The following RELN variants were observed in gnomAD, a reference collection of about 807,000 sequenced individuals.
RELN encodes reelin.
Under a neutral mutation model 427.6 loss-of-function variants are expected in RELN, and 108 were observed. The observed-to-expected ratio is 0.25, with a 90% CI of 0.22 to 0.30. The LOEUF (loss-of-function observed/expected upper bound fraction) is 0.30. RELN is among the 10% of genes least tolerant of loss of function. The pLI is 1.00. For synonymous variants in RELN, 1,524 were observed against 1,513.4 expected (o/e 1.01, Z -0.16); for missense variants, 3,715 against 4,302.8 (o/e 0.86, Z 3.82).
chr7:103,976,146 T>C, intron 1 of RELN, among the ~76,000 whole-genome samples: 1 of 152,340 alleles, frequency 6.6e-6, no homozygotes, highest in East Asian at 1.9e-4. Context: ...TGTTATCTTT[T>C]TCTCAAAGAC....
rs138843912 is a variant in RELN at position 103,665,284 on chromosome 7, A to G, written c.1290-3757T>C. On this transcript the variant is annotated intron_variant, in intron 11 of 64. Coordinates refer to ENST00000428762, the MANE Select transcript of RELN (RefSeq NM_005045.4). ...TTAACTTGCCTCTCTTTTTTCCTCC[A>G]TTAGTCTATATGTCCATCTCCGTGT... Among the ~76,000 whole-genome samples, 1,126 of 151,726 alleles carry G rather than the reference A, an allele frequency of 7.4e-3. 8 individuals are homozygous for G. Among genetic ancestry groups the G allele is most frequent in the Non-Finnish European group, 0.011 (745 of 67,920 alleles).
chr7:103,683,539 T>A (rs543681945), intron 10 of RELN, among the ~76,000 whole-genome samples: 7 of 152,134 alleles, frequency 4.6e-5, no homozygotes, highest in Non-Finnish European at 7.4e-5. Context: ...GCTGAAAAAT[T>A]TCTATCACCT....
intron 2 of RELN, among the ~76,000 whole-genome samples, chr7:103,886,789 C>T (rs1794733857): frequency 6.6e-6 from 1 of 152,114 alleles, no homozygotes; most frequent in East Asian, 1.9e-4. Context: ...TAATTCTATA[C>T]TCACAATGTA....
intron 4 of RELN, among the ~76,000 whole-genome samples, chr7:103,756,663 A>T (rs1304132577): frequency 2.0e-5 from 3 of 152,192 alleles, no homozygotes; most frequent in Non-Finnish European, 4.4e-5. Flanking sequence ...CTTTATTATA[A>T]GTGGTCTGGG....
At chr7:103,545,398 A>G in intron 41 of RELN, 54 bp from the exon 42 acceptor site, 1 of 1,196,930 alleles carries the variant, frequency 8.4e-7, no homozygotes, top group South Asian at 1.2e-5. Context: ...ATATACCTTC[A>G]AAGTATGCAC....
intron 38 of RELN, among the ~76,000 whole-genome samples, chr7:103,555,062 G>C (rs1830494162): frequency 6.6e-6 from 1 of 152,134 alleles, no homozygotes; most frequent in African/African-American, 2.4e-5. Context: ...TGGAGATACT[G>C]TGGGAATATA....
At chr7:103,961,611 G>A (rs1796555410) in intron 1 of RELN, among the ~76,000 whole-genome samples, 1 of 152,174 alleles carries the variant, frequency 6.6e-6, no homozygotes, top group Non-Finnish European at 1.5e-5. Flanking sequence ...CTTTGCTTTA[G>A]AAGACAAGGA....
chr7:103,868,821 CTT>C (rs1384092659), intron 2 of RELN, among the ~76,000 whole-genome samples: 7 of 152,012 alleles, frequency 4.6e-5, no homozygotes, highest in Non-Finnish European at 1.0e-4. Flanking sequence ...TCCTCTTTAT[CTT>C]TGTAATAACC....
intron 22 of RELN, among the ~76,000 whole-genome samples, chr7:103,605,675 C>G (rs1831801963): frequency 2.6e-5 from 4 of 152,146 alleles, no homozygotes; most frequent in African/African-American, 9.7e-5. Flanking sequence ...CTGAAGGAAC[C>G]TTTCCCAAGC....
At chr7:103,613,363 G>A (rs1359664625) in intron 20 of RELN, among the ~76,000 whole-genome samples, 6 of 152,166 alleles carry the variant, frequency 3.9e-5, no homozygotes, top group Admixed American at 6.5e-5. Flanking sequence ...CAGTTACTAT[G>A]CAATGATACT....
intron 24 of RELN, among the ~76,000 whole-genome samples, chr7:103,601,893 C>T (rs1019578686): frequency 2.6e-5 from 4 of 152,158 alleles, no homozygotes; most frequent in African/African-American, 9.7e-5. Flanking sequence ...CATGCCTAAT[C>T]TGGTGCTACC....
In RELN at chr7:103,490,848, T is replaced by G. The variant is rs763165643; in HGVS notation, c.9444-19A>C. 3 of 1,613,916 alleles carry G rather than the reference T, an allele frequency of 1.9e-6. No homozygotes were observed. ...ATCCGATCTGCAGAAACCAAAAGGC[T>G]TTGTTAGACAAATTGTAAGAGAAAC... On this transcript the variant is annotated intron_variant, in intron 58 of 64. Coordinates refer to ENST00000428762, the MANE Select transcript of RELN (RefSeq NM_005045.4).
chr7:103,980,992 TCATAA>T (rs1451558210), intron 1 of RELN, among the ~76,000 whole-genome samples: 5 of 152,218 alleles, frequency 3.3e-5, no homozygotes, highest in African/African-American at 4.8e-5. Flanking sequence ...GGAACTATGA[TCATAA>T]CATATCTCAA....
intron 2 of RELN, among the ~76,000 whole-genome samples, chr7:103,846,278 A>C (rs1793675281): frequency 6.6e-6 from 1 of 152,196 alleles, no homozygotes; most frequent in African/African-American, 2.4e-5. Context: ...ATAATGCCAC[A>C]CATCTACAAC....
intron 1 of RELN, among the ~76,000 whole-genome samples, chr7:103,981,655 C>T (rs1428716094): frequency 1.3e-5 from 2 of 152,156 alleles, no homozygotes; most frequent in East Asian, 1.9e-4. Context: ...CAAGAAGTCC[C>T]GTCATTATTT....
At chr7:103,935,601 T>A (rs1795964221) in intron 1 of RELN, among the ~76,000 whole-genome samples, 2 of 152,204 alleles carry the variant, frequency 1.3e-5, no homozygotes, top group South Asian at 4.1e-4. Context: ...TGCCAAAGGA[T>A]CCCAAATCTC....
intron 24 of RELN, among the ~76,000 whole-genome samples, chr7:103,601,557 C>T (rs1355940171): frequency 6.6e-6 from 1 of 152,164 alleles, no homozygotes; most frequent in Non-Finnish European, 1.5e-5. Context: ...AAGTGGGACA[C>T]CTCCAATTGC....
intron 6 of RELN, among the ~76,000 whole-genome samples, chr7:103,729,195 AT>A (rs1790290370): frequency 6.6e-6 from 1 of 152,160 alleles, no homozygotes; most frequent in Non-Finnish European, 1.5e-5. Context: ...CAGAAAGAAC[AT>A]TTTCAAAGAC....
chr7:103,984,860 A>G (rs1414627421), intron 1 of RELN, among the ~76,000 whole-genome samples: 2 of 152,316 alleles, frequency 1.3e-5, no homozygotes, highest in East Asian at 3.9e-4. Context: ...ACTTTATTTC[A>G]AATAATAAAA....
Sources: gnomAD v4.1 joint callset for allele counts (sites outside exome capture counted in the v4.1 genomes callset) on GRCh38, gnomAD v4.1.1 for gene constraint, MANE v1.5 for transcripts, NCBI Gene and HGNC (gene_info 2026-07-23, HGNC 2026-07-21) for gene names.